The following DNM1 variants were observed in gnomAD, a reference collection of about 807,000 sequenced individuals.
DNM1 encodes the protein dynamin 1.
In DNM1, 29 loss-of-function variants were observed where a neutral mutation model predicts 104.6. The observed-to-expected ratio is 0.28, with a 90% CI of 0.21 to 0.38. The LOEUF is 0.38. Ranked by LOEUF, DNM1 falls within the 10% of genes least tolerant of loss-of-function variation. DNM1 has a pLI of 1.00. For missense variants in DNM1, 640 were observed against 1,189.4 expected (o/e 0.54, Z 6.79); for synonymous variants, 445 against 475.8 (o/e 0.94, Z 0.84).
In DNM1 at chr9:128,250,745, C is replaced by T. The variant is rs1829469965; in HGVS notation, c.2339C>T (p.Thr780Met). 7.0e-7 allele frequency: 1 copy of T among 1,438,616 alleles called. No homozygotes were observed. The highest frequency in any genetic ancestry group is 9.1e-7 in the Non-Finnish European group (1 of 1,100,554). The allele number at this position is 1,438,616 out of a possible 1,614,324, so 89.1% of individuals were successfully genotyped here. The change falls in exon 21 of 22, where the codon ACG (threonine) becomes ATG (methionine). Residue 780 changes from threonine (T) to methionine (M), a missense_variant. Thr to Met is a moderately conservative substitution (Grantham distance 81). This residue lies in a region of DNM1 where 129 missense variants were observed against 224.6 expected (regional missense o/e 0.57). Transcript: ENST00000372923. ...AGRRSPTSSPTPQRRAPAVPP... is the reference protein window; with the variant it reads ...AGRRSPTSSPMPQRRAPAVPP... ...CTCAGGTCGCCCACGTCCAGCCCCA[C>T]GCCGCAGCGCCGAGCCCCCGCCGTG... is the stretch of plus-strand genomic sequence containing the variant.
Position 128,250,734 on chromosome 9 carries a change from G to T in DNM1, c.2328G>T (p.Thr776=), listed in dbSNP as rs1186111440. The T allele has an allele frequency of 1.4e-6, 2 of 1,459,380 alleles. No homozygotes were observed. The highest frequency in any genetic ancestry group is 9.0e-7 in the Non-Finnish European group (1 of 1,111,856). The allele number at this position is 1,459,380 out of a possible 1,614,324, so 90.4% of individuals were successfully genotyped here. The change falls in exon 21 of 22, where the codon ACG becomes ACT. Residue 776 remains threonine, a synonymous_variant. Coordinates refer to ENST00000372923, the MANE Select transcript of DNM1 (RefSeq NM_004408.4). ...QSVPAGRRSP[T]SSPTPQRRAP... ...TCCCTGTCGCCCTCAGGTCGCCCAC[G>T]TCCAGCCCCACGCCGCAGCGCCGAG...
In DNM1 at chr9:128,224,116, A is replaced by G. The variant is rs973061198; in HGVS notation, c.1197-135A>G. 5.4e-6 allele frequency: 6 copies of G among 1,114,832 alleles called. No homozygotes were observed. Among genetic ancestry groups the G allele is most frequent in the Non-Finnish European group, 3.7e-6 (3 of 806,480 alleles). 69.1% of individuals were successfully genotyped at this position (1,114,832 alleles called of 1,614,324 possible). A position where few individuals can be genotyped will look rare whatever the true frequency, so the allele number is the denominator to read the frequency against. ...CCTCCCTCCCATTTTACAACTGGGG[A>G]CACTGAGGCCCAGAGAGGGGTAGTG... On this transcript the variant is annotated intron_variant, in intron 9 of 21. Coordinates refer to ENST00000372923, the MANE Select transcript of DNM1 (RefSeq NM_004408.4). This position sits in a 1 kb window ranked among gnomAD's most constrained non-coding sequence, Gnocchi z 4.3.
In DNM1 at chr9:128,254,201, G is replaced by A. The variant is rs1375160522; in HGVS notation, c.2535-453G>A. On this transcript the variant is annotated intron_variant, in intron 21 of 21. Transcript: ENST00000372923. This position sits in a 1 kb window ranked among gnomAD's most constrained non-coding sequence, Gnocchi z 6.1. ...GCGCTCCCTCCAGCCATCCCTTTTA[G>A]TTTCACCCTCCTGGTTCAAGCAGTG... The A allele has an allele frequency of 9.0e-6, 12 of 1,329,748 alleles. No homozygotes were observed. The East Asian group carries it at 2.5e-4, about 27-fold the overall frequency. The allele number at this position is 1,329,748 out of a possible 1,614,324, so 82.4% of individuals were successfully genotyped here.
At position 128,245,991 on chromosome 9, in the gene DNM1, T is replaced by C. The variant is rs906321371; in HGVS notation, c.1672-403T>C. On this transcript the variant is annotated intron_variant, in intron 15 of 21. Coordinates refer to ENST00000372923, the MANE Select transcript of DNM1 (RefSeq NM_004408.4). This position sits in a 1 kb window ranked among gnomAD's most constrained non-coding sequence, Gnocchi z 5.2. ...GAGCCGGCCCTTTGAAGCCGCCGGG[T>C]CTGGTGGCCCCCCTTCCTGGTCTCT... Among the ~76,000 whole-genome samples the C allele has an allele frequency of 1.3e-5, 2 of 151,958 alleles. No homozygotes were observed. The highest frequency in any genetic ancestry group is 2.9e-5 in the Non-Finnish European group (2 of 67,986).
chr9:128,228,827 G>A (rs1365426978), intron 10 of DNM1, among the ~76,000 whole-genome samples: 1 of 151,680 alleles, frequency 6.6e-6, no homozygotes, highest in Non-Finnish European at 1.5e-5. Context: ...TACTAAAAAT[G>A]CAAAAATTAG....
chr9:128,220,842 T>C lies in DNM1; in HGVS notation c.849+501T>C, dbSNP rs145598285. Among the ~76,000 whole-genome samples, 4,213 of 151,838 alleles carry C rather than the reference T, an allele frequency of 0.028. 82 individuals are homozygous for C. The highest frequency in any genetic ancestry group is 0.051 in the Middle Eastern group (15 of 294). On this transcript the variant is annotated intron_variant, in intron 6 of 21. Coordinates refer to ENST00000372923, the MANE Select transcript of DNM1 (RefSeq NM_004408.4). This position sits in a 1 kb window ranked among gnomAD's most constrained non-coding sequence, Gnocchi z 5.2. ...TTTTGTCACTCCCCCTCTGAGACAC[T>C]CTCTCTGGCTCTCTGAGCCTCTATT...
chr9:128,229,027 T>G (rs1401721644), intron 10 of DNM1, among the ~76,000 whole-genome samples: 2 of 151,718 alleles, frequency 1.3e-5, no homozygotes, highest in African/African-American at 4.8e-5. Context: ...AACTGGAGAC[T>G]ATCTAAATAT....
chr9:128,247,368 C>G lies in DNM1; in HGVS notation c.1782-7C>G, dbSNP rs1345524413. 1.3e-6 allele frequency: 2 copies of G among 1,598,966 alleles called. No homozygotes were observed. The highest frequency in any genetic ancestry group is 4.5e-5 in the East Asian group (2 of 44,546). The stretch of plus-strand genomic sequence containing the variant: ...CATCTGCCCTCACTGCCTGCCCTAT[C>G]TTGCAGGAATGTCTACAAGGATTAT... On this transcript the variant is annotated splice_polypyrimidine_tract_variant and splice_region_variant and intron_variant, in intron 16 of 21. Transcript: ENST00000372923. This position sits in a 1 kb window ranked among gnomAD's most constrained non-coding sequence, Gnocchi z 5.1.
chr9:128,208,317 C>T (rs1157629966), intron 1 of DNM1, among the ~76,000 whole-genome samples: 1 of 152,170 alleles, frequency 6.6e-6, no homozygotes, highest in Non-Finnish European at 1.5e-5. Context: ...CCTCAGCCTC[C>T]TAAAGTGCTG....
chr9:128,237,848 A>G (rs1361554174), intron 11 of DNM1, among the ~76,000 whole-genome samples: 1 of 151,696 alleles, frequency 6.6e-6, no homozygotes, highest in Non-Finnish European at 1.5e-5. Flanking sequence ...ATTATGGCTC[A>G]CTGCAACCTC....
At chr9:128,226,234 C>A in intron 10 of DNM1, 1 of 1,600,786 alleles carries the variant, frequency 6.2e-7, no homozygotes, top group Non-Finnish European at 8.5e-7. Flanking sequence ...CCACAGCCTC[C>A]CGTGGGCAGA....
At chr9:128,221,856 C>T (rs559165453) in intron 6 of DNM1, among the ~76,000 whole-genome samples, 92 of 152,112 alleles carry the variant, frequency 6.0e-4, no homozygotes, top group African/African-American at 2.1e-3. Context: ...GCTGAGATCA[C>T]GCCATTGCAC....
Position 128,224,736 on chromosome 9 carries a change from A to AC in DNM1, c.1335+347_1335+348insC, listed in dbSNP as rs537812309. Among the ~76,000 whole-genome samples, 63 of 106,148 alleles carry AC rather than the reference A, an allele frequency of 5.9e-4. 2 individuals carry two copies. In the South Asian group the frequency reaches 0.02, roughly 34 times the overall value. The allele number at this position is 106,148 out of a possible 152,430, so 69.6% of individuals were successfully genotyped here. A position where few individuals can be genotyped will look rare whatever the true frequency, so the allele number is the denominator to read the frequency against. The stretch of plus-strand genomic sequence containing the variant: ...CGGAGGTGTCATCTTTGGGAGCTCC[A>AC]GGGAGGGGTCTGGGGAAACCTTAGC... On this transcript the variant is annotated intron_variant, in intron 10 of 21. Coordinates refer to ENST00000372923, the MANE Select transcript of DNM1 (RefSeq NM_004408.4). The surrounding 1 kb of genome is among the most constrained non-coding windows in gnomAD (Gnocchi z 4.3).
At chr9:128,234,210 T>C in intron 11 of DNM1, 103 bp downstream of exon 11, 2 of 948,120 alleles carry the variant, frequency 2.1e-6, no homozygotes, top group Admixed American at 5.6e-5. Context: ...GTTTTGTCTC[T>C]TCTGTCTCAG....
chr9:128,219,695 G>T (rs1045069222), intron 4 of DNM1, among the ~76,000 whole-genome samples: 7 of 152,070 alleles, frequency 4.6e-5, no homozygotes, highest in Non-Finnish European at 1.0e-4. Flanking sequence ...GGGTGCAGTG[G>T]CTCATGCCTG....
Position 128,219,000 on chromosome 9 carries a change from C to T in DNM1, c.386-49C>T, listed in dbSNP as rs981816587. On this transcript the variant is annotated intron_variant, in intron 3 of 21. Transcript: ENST00000372923. The surrounding 1 kb of genome is among the most constrained non-coding windows in gnomAD (Gnocchi z 4.8). ...CCCCGCCCTATTCTTTAACCTCGCC[C>T]GCGGCCACGCCCCTCGCCTTGAGCC... 16 of 1,599,796 alleles carry T rather than the reference C, an allele frequency of 1.0e-5. No individual in the cohort carries two copies. Among genetic ancestry groups the T allele is most frequent in the South Asian group, 2.2e-5 (2 of 90,810 alleles).
rs11794886 is a variant in DNM1, at chr9:128,246,225, G to A, written c.1672-169G>A. On this transcript the variant is annotated intron_variant, in intron 15 of 21. Coordinates refer to ENST00000372923, the MANE Select transcript of DNM1 (RefSeq NM_004408.4). Reference sequence around the variant, plus strand: ...AGGACTGGCTCTGCGGGGGTCGGCGGTGCCCAGGAGGCCTACGGTCCGTGG... The same window carrying A: ...AGGACTGGCTCTGCGGGGGTCGGCGATGCCCAGGAGGCCTACGGTCCGTGG... Among the ~76,000 whole-genome samples the A allele has an allele frequency of 2.0e-3, 311 of 152,170 alleles. 1 individual carries two copies. The highest frequency in any genetic ancestry group is 5.2e-3 in the Admixed American group (79 of 15,292).
rs984652054 is a variant in DNM1 at position 128,245,264 on chromosome 9, G to A, written c.1672-1130G>A. Among the ~76,000 whole-genome samples the A allele has an allele frequency of 1.8e-4, 28 of 151,710 alleles. No homozygotes were observed. The highest frequency in any genetic ancestry group is 6.3e-4 in the African/African-American group (26 of 41,352). On this transcript the variant is annotated intron_variant, in intron 15 of 21. Coordinates refer to ENST00000372923, the MANE Select transcript of DNM1 (RefSeq NM_004408.4). This position sits in a 1 kb window ranked among gnomAD's most constrained non-coding sequence, Gnocchi z 5.2. ...ATGTGGCTGCATGGGCCAGGGGGGC[G>A]TTGGGGGCAGAGAGGGGTGGGCGGG...
intron 11 of DNM1, among the ~76,000 whole-genome samples, chr9:128,237,686 T>G (rs556046108): frequency 6.6e-6 from 1 of 152,356 alleles, no homozygotes; most frequent in East Asian, 1.9e-4. Flanking sequence ...CAAACTGTAC[T>G]ACTTTGAATA....
Sources: allele counts gnomAD v4.1 joint callset (sites outside exome capture counted in the v4.1 genomes callset), GRCh38; gene constraint gnomAD v4.1.1; regional missense constraint gnomAD v4.1.1; non-coding constraint Gnocchi (gnomAD v3.1); transcripts MANE v1.5; gene names NCBI Gene and HGNC (gene_info 2026-07-23, HGNC 2026-07-21).